LMNTD1: variants seen among roughly 807,000 people sequenced by gnomAD.
LMNTD1 encodes lamin tail domain-containing protein 1.
Under a neutral mutation model 50.9 loss-of-function variants are expected in LMNTD1, and 35 were observed. That is an observed-to-expected ratio of 0.69 (90% CI 0.53 to 0.91). LMNTD1 has a LOEUF of 0.91. Among genes scored for constraint, LMNTD1 ranks in the 40% least tolerant of loss-of-function variants. LMNTD1 has a pLI of 0.00. For synonymous variants in LMNTD1, 153 were observed against 161.9 expected (o/e 0.94, Z 0.42); for missense variants, 470 against 475.5 (o/e 0.99, Z 0.11).
chr12:25,604,034 T>A (rs571727824), intron 1 of LMNTD1, among the ~76,000 whole-genome samples: 44 of 152,038 alleles, frequency 2.9e-4, no homozygotes, highest in Non-Finnish European at 4.6e-4. Flanking sequence ...CAAAAAGAAC[T>A]GCATGATTAA....
intron 1 of LMNTD1, among the ~76,000 whole-genome samples, chr12:25,645,082 G>T (rs1047937896): frequency 2.0e-5 from 3 of 152,152 alleles, no homozygotes; most frequent in African/African-American, 7.2e-5. Context: ...AGTACTAAGG[G>T]CCTATTTGAG....
intron 1 of LMNTD1, among the ~76,000 whole-genome samples, chr12:25,644,040 G>T (rs960619795): frequency 6.6e-6 from 1 of 152,168 alleles, no homozygotes; most frequent in Non-Finnish European, 1.5e-5. Context: ...AGAGAGAAAA[G>T]TTTTCCATGA....
At chr12:25,537,596 A>G (rs1291256590) in intron 4 of LMNTD1, among the ~76,000 whole-genome samples, 1 of 151,938 alleles carries the variant, frequency 6.6e-6, no homozygotes, top group Non-Finnish European at 1.5e-5. Flanking sequence ...CAAAGACCAA[A>G]AGTAGATAAA....
At chr12:25,526,650 CAT>C (rs1941735513) in intron 5 of LMNTD1, 117 bp downstream of exon 5, 1 of 601,752 alleles carries the variant, frequency 1.7e-6, no homozygotes, top group Non-Finnish European at 2.7e-6. Flanking sequence ...AACAAAATCA[CAT>C]CTTACGTACA....
intron 6 of LMNTD1, among the ~76,000 whole-genome samples, chr12:25,521,313 T>A (rs988382868): frequency 2.6e-5 from 4 of 152,158 alleles, no homozygotes; most frequent in African/African-American, 4.8e-5. Flanking sequence ...TCAAGGAGCT[T>A]TTCCCCTATG....
chr12:25,491,972 A>G (rs778815359), intron 9 of LMNTD1, among the ~76,000 whole-genome samples: 33 of 152,256 alleles, frequency 2.2e-4, no homozygotes, highest in Admixed American at 6.5e-5. Context: ...TGATTGCACA[A>G]ATAAACACAG....
At chr12:25,643,451 G>A (rs994956141) in intron 1 of LMNTD1, among the ~76,000 whole-genome samples, 1 of 152,102 alleles carries the variant, frequency 6.6e-6, no homozygotes, top group African/African-American at 2.4e-5. Flanking sequence ...GATGATAGAG[G>A]GCTTTATAGA....
intron 9 of LMNTD1, among the ~76,000 whole-genome samples, chr12:25,485,579 C>T (rs1938600818): frequency 1.4e-5 from 2 of 140,398 alleles, no homozygotes; most frequent in Non-Finnish European, 3.0e-5. Flanking sequence ...AAGTCCTTTC[C>T]CATGCCTATG....
intron 4 of LMNTD1, among the ~76,000 whole-genome samples, chr12:25,536,659 CA>C (rs1280370902): frequency 6.7e-6 from 1 of 148,900 alleles, no homozygotes; most frequent in East Asian, 1.9e-4. Context: ...TCAATGACCT[CA>C]AATTTCACCT....
intron 4 of LMNTD1, among the ~76,000 whole-genome samples, chr12:25,529,695 C>G (rs564815077): frequency 2.0e-5 from 3 of 152,216 alleles, no homozygotes; most frequent in African/African-American, 7.2e-5. Flanking sequence ...AGTCTTACCC[C>G]CTTCTAAACA....
At chr12:25,525,475 GGAGT>G (rs1314037084) in intron 6 of LMNTD1, among the ~76,000 whole-genome samples, 4 of 152,238 alleles carry the variant, frequency 2.6e-5, no homozygotes, top group Admixed American at 2.6e-4. Flanking sequence ...AGACCTGTAT[GGAGT>G]ACCTTCCTTA....
chr12:25,542,319 C>G (rs1943135882), intron 4 of LMNTD1, among the ~76,000 whole-genome samples: 1 of 151,256 alleles, frequency 6.6e-6, no homozygotes, highest in Admixed American at 6.6e-5. Context: ...TTGGAACCAA[C>G]CCAAATGTCC....
intron 9 of LMNTD1, among the ~76,000 whole-genome samples, chr12:25,484,264 C>T (rs895064151): frequency 4.6e-5 from 7 of 151,860 alleles, no homozygotes; most frequent in African/African-American, 7.3e-5. Flanking sequence ...TGTTGTTTTT[C>T]GTTTTTTTGT....
At chr12:25,551,648 TC>T (rs1943751906) in intron 2 of LMNTD1, among the ~76,000 whole-genome samples, 1 of 152,300 alleles carries the variant, frequency 6.6e-6, no homozygotes, top group South Asian at 2.1e-4. Flanking sequence ...TGCCTTGGCC[TC>T]CCAAATTGCT....
intron 8 of LMNTD1, among the ~76,000 whole-genome samples, chr12:25,518,084 G>C (rs988820224): frequency 6.6e-6 from 1 of 152,166 alleles, no homozygotes; most frequent in African/African-American, 2.4e-5. Context: ...TCTTTCCTAA[G>C]TCAAAGTTTG....
chr12:25,646,865 G>T (rs1233380664), intron 1 of LMNTD1, among the ~76,000 whole-genome samples: 1 of 152,170 alleles, frequency 6.6e-6, no homozygotes, highest in African/African-American at 2.4e-5. Flanking sequence ...CAGAGTATTT[G>T]CATTTTAGTC....
Position 25,526,193 on chromosome 12 carries a change from T to C in LMNTD1, c.704A>G (p.Lys235Arg), listed in dbSNP as rs1941695269. Residue 235 changes from lysine to arginine, a missense_variant, in exon 6 of 10, where the codon AAG becomes AGG. Physicochemically the swap from Lys to Arg is conservative, Grantham distance 26 (BLOSUM62 2). Coordinates refer to ENST00000458174, the MANE Select transcript of LMNTD1 (RefSeq NM_001145728.2). ...AAGAAAATCTGATGGAGGTTGATGC[T>C]TTGCTTCAGATGCTGCTGCCCACAC... ...VTVWAAASEA[K>R]HQPPSDFLWK... 1 of 1,610,836 alleles carries C rather than the reference T, an allele frequency of 6.2e-7. No homozygotes were observed. The highest frequency in any genetic ancestry group is 1.3e-5 in the African/African-American group (1 of 74,724).
intron 1 of LMNTD1, among the ~76,000 whole-genome samples, chr12:25,643,785 A>C (rs1592133084): frequency 6.6e-6 from 1 of 152,206 alleles, no homozygotes; most frequent in East Asian, 1.9e-4. Flanking sequence ...GTGCCAGAGA[A>C]GTCAATGTTT....
intron 9 of LMNTD1, among the ~76,000 whole-genome samples, chr12:25,493,854 C>T (rs1395572047): frequency 1.3e-5 from 2 of 152,228 alleles, no homozygotes; most frequent in East Asian, 3.9e-4. Context: ...TTGGTTTCTG[C>T]ATCCATACCC....
Sources: allele counts gnomAD v4.1 joint callset (sites outside exome capture counted in the v4.1 genomes callset), GRCh38; gene constraint gnomAD v4.1.1; transcripts MANE v1.5; gene names NCBI Gene and HGNC (gene_info 2026-07-23, HGNC 2026-07-21).